The following PTPRG variants were observed in gnomAD, a reference collection of about 807,000 sequenced individuals.
The protein encoded by PTPRG is protein tyrosine phosphatase receptor type G, also known as receptor-type tyrosine-protein phosphatase gamma.
PTPRG carries 102 observed loss-of-function variants against 165.3 expected under a neutral mutation model. That is an observed-to-expected ratio of 0.62 (90% confidence interval 0.53 to 0.73). The LOEUF (loss-of-function observed/expected upper bound fraction) is 0.73, where lower values mean the gene tolerates loss of function less well. PTPRG is among the 30% of genes least tolerant of loss of function. The probability of loss-of-function intolerance (pLI) is 0.00; values close to 1 mark genes in which losing one functional copy is unlikely to be tolerated. For synonymous variants in PTPRG, 675 were observed against 669.5 expected (o/e 1.01, Z -0.13); for missense variants, 1,866 against 1,861.4 (o/e 1.00, Z -0.05).
At chr3:61,749,963 A>G (rs1270170250) in intron 2 of PTPRG, 1 of 152,206 alleles carries the variant, frequency 6.6e-6, no homozygotes. Context: ...CCAGTGTAAA[A>G]TTTATAGGTC....
At chr3:61,820,749 GT>G (rs2107254058) in intron 2 of PTPRG, among the ~76,000 whole-genome samples, 1 of 151,710 alleles carries the variant, frequency 6.6e-6, no homozygotes, top group Non-Finnish European at 1.5e-5. Flanking sequence ...GATTGTTTGA[GT>G]AACAGCTAGC....
chr3:61,787,652 C>T (rs2107112789), intron 2 of PTPRG, among the ~76,000 whole-genome samples: 1 of 152,264 alleles, frequency 6.6e-6, no homozygotes, highest in East Asian at 1.9e-4. Flanking sequence ...ATGTTCATTC[C>T]TTATTGGAAG....
At chr3:62,037,756 A>G (rs1287491128) in intron 4 of PTPRG, among the ~76,000 whole-genome samples, 1 of 152,220 alleles carries the variant, frequency 6.6e-6, no homozygotes, top group African/African-American at 2.4e-5. Flanking sequence ...GGAAAGGCCC[A>G]GGTCAAAATG....
At chr3:62,138,705 G>T (rs1703808301) in intron 6 of PTPRG, among the ~76,000 whole-genome samples, 1 of 83,038 alleles carries the variant, frequency 1.2e-5, no homozygotes, top group Non-Finnish European at 2.3e-5. Flanking sequence ...AGTGACAAGG[G>T]CAAAGCTCCA....
At chr3:61,850,363 G>A (rs905540886) in intron 2 of PTPRG, among the ~76,000 whole-genome samples, 10 of 151,920 alleles carry the variant, frequency 6.6e-5, no homozygotes, top group Non-Finnish European at 1.2e-4. Flanking sequence ...TGGGGTTTCC[G>A]CATGTTGGCC....
At chr3:61,582,013 G>T (rs1469703855) in intron 1 of PTPRG, among the ~76,000 whole-genome samples, 1 of 151,874 alleles carries the variant, frequency 6.6e-6, no homozygotes, top group Non-Finnish European at 1.5e-5. Flanking sequence ...TAACACCCAG[G>T]CTGGAGTGCA....
intron 1 of PTPRG, among the ~76,000 whole-genome samples, chr3:61,667,170 A>C (rs1702832876): frequency 6.6e-6 from 1 of 152,186 alleles, no homozygotes; most frequent in African/African-American, 2.4e-5. Flanking sequence ...CTCGAATCCT[A>C]AGAAAAACCA....
intron 6 of PTPRG, among the ~76,000 whole-genome samples, chr3:62,148,275 G>A (rs1704196614): frequency 6.6e-6 from 1 of 152,152 alleles, no homozygotes; most frequent in Non-Finnish European, 1.5e-5. Flanking sequence ...ATTCCAGGCA[G>A]AGGGAACAGC....
chr3:62,026,101 C>G (rs1371213148), intron 4 of PTPRG, among the ~76,000 whole-genome samples: 4 of 152,102 alleles, frequency 2.6e-5, no homozygotes, highest in Non-Finnish European at 5.9e-5. Context: ...TAAGTGAGGC[C>G]AGTTTATTTC....
chr3:61,600,480 T>A (rs544237982), intron 1 of PTPRG, among the ~76,000 whole-genome samples: 1 of 152,254 alleles, frequency 6.6e-6, no homozygotes, highest in East Asian at 1.9e-4. Flanking sequence ...TGAAACCTTT[T>A]ACTTTGTCTT....
chr3:62,013,670 T>C (rs990477848), intron 4 of PTPRG, among the ~76,000 whole-genome samples: 5 of 152,242 alleles, frequency 3.3e-5, no homozygotes, highest in African/African-American at 4.8e-5. Context: ...TACCTCATAA[T>C]GTTGTATACC....
intron 3 of PTPRG, among the ~76,000 whole-genome samples, chr3:61,995,080 C>CTTTTTTTTTTTTTTTTTTTTTTTTT (rs1233679653): frequency 2.8e-5 from 3 of 107,392 alleles, no homozygotes; most frequent in African/African-American, 1.2e-4. Flanking sequence ...TCTTTTCTTT[C>CTTTTTTTTTTTTTTTTTTTTTTTTT]TTTCTTTTTT....
At chr3:61,600,518 G>T (rs1042981563) in intron 1 of PTPRG, among the ~76,000 whole-genome samples, 10 of 152,000 alleles carry the variant, frequency 6.6e-5, no homozygotes, top group Non-Finnish European at 1.5e-4. Context: ...GTTTGATGAT[G>T]ATGTGGTTTT....
At chr3:61,686,797 A>T (rs1420002670) in intron 1 of PTPRG, among the ~76,000 whole-genome samples, 1 of 152,174 alleles carries the variant, frequency 6.6e-6, no homozygotes, top group African/African-American at 2.4e-5. Context: ...AGCCTTGTTA[A>T]TCAGGTGGGG....
Position 62,203,962 on chromosome 3 carries a change from A to G in PTPRG, c.2155+12A>G, listed in dbSNP as rs770893786. On this transcript the variant is annotated intron_variant, in intron 12 of 29. Coordinates refer to ENST00000474889, the MANE Select transcript of PTPRG (RefSeq NM_002841.4). The surrounding 1 kb of genome is among the most constrained non-coding windows in gnomAD (Gnocchi z 6.4). The stretch of plus-strand genomic sequence containing the variant: ...CACTGTTAATCCAGGTAAGTGGTGC[A>G]GGTCTTCTTCGAGGGTTCCTGCTCC... 7 of 1,537,964 alleles carry G rather than the reference A, an allele frequency of 4.6e-6. No homozygotes were observed. The East Asian group carries it at 9.1e-5, about 20-fold the overall frequency.
intron 17 of PTPRG, among the ~76,000 whole-genome samples, chr3:62,266,092 G>A (rs1166197413): frequency 6.6e-6 from 1 of 152,176 alleles, no homozygotes; most frequent in Non-Finnish European, 1.5e-5. Flanking sequence ...CTGGTTAAAT[G>A]TGAATTGCAC....
At chr3:62,284,745 A>G (rs1039642187) in intron 28 of PTPRG, among the ~76,000 whole-genome samples, 2 of 152,106 alleles carry the variant, frequency 1.3e-5, no homozygotes, top group Non-Finnish European at 1.5e-5. Context: ...TACAGACCAG[A>G]AACATATCAG....
chr3:61,783,765 G>A (rs926827565), intron 2 of PTPRG, among the ~76,000 whole-genome samples: 3 of 152,184 alleles, frequency 2.0e-5, no homozygotes, highest in Non-Finnish European at 2.9e-5. Context: ...CCTAAGCCCT[G>A]GAAGGAATGT....
chr3:62,003,550 A>C, intron 4 of PTPRG, 53 bp downstream of exon 4: 2 of 1,598,264 alleles, frequency 1.3e-6, no homozygotes, highest in Non-Finnish European at 1.7e-6. Flanking sequence ...CTTTATGTTA[A>C]TCAGATGCTG....
Sources: gnomAD v4.1 joint callset for allele counts (sites outside exome capture counted in the v4.1 genomes callset) on GRCh38, gnomAD v4.1.1 for gene constraint, Gnocchi (gnomAD v3.1) non-coding constraint, MANE v1.5 for transcripts, NCBI Gene and HGNC (gene_info 2026-07-23, HGNC 2026-07-21) for gene names.